CHST2: variants seen among roughly 807,000 people sequenced by gnomAD.
The protein encoded by CHST2 is N-acetylglucosamine 6-O-sulfotransferase 1.
CHST2 carries 23 observed loss-of-function variants against 34.6 expected under a neutral mutation model. That is an observed-to-expected ratio of 0.67 (90% CI 0.48 to 0.94). CHST2 has a LOEUF of 0.94. Ranked by LOEUF, CHST2 falls within the 40% of genes least tolerant of loss-of-function variation. CHST2 has a pLI of 0.00. For synonymous variants in CHST2, 392 were observed against 343.1 expected, an observed-to-expected ratio of 1.14 and a Z score of -1.58; for missense variants, 720 against 759.5, an observed-to-expected ratio of 0.95 and a Z score of 0.61.
chr3:143,122,688 T>TA lies in CHST2; in HGVS notation c.*280dup. 1 of 301,868 alleles carries TA rather than the reference T, an allele frequency of 3.3e-6. No individual in the cohort carries two copies. The highest frequency in any genetic ancestry group is 6.1e-5 in the East Asian group (1 of 16,462). 18.7% of individuals were successfully genotyped at this position (301,868 alleles called of 1,614,324 possible). ...CTCTTGTCCTCTTTCTCCTATTTCT[T>TA]ACCCTGTCCTCCACCTGCCTTCCAT... is the stretch of plus-strand genomic sequence containing the variant. On this transcript the variant is annotated 3_prime_UTR_variant, in exon 2 of 2. Coordinates refer to ENST00000309575, the MANE Select transcript of CHST2 (RefSeq NM_004267.5).
At position 143,120,787 on chromosome 3, in the gene CHST2, G is replaced by A; in HGVS notation, c.-30G>A. 4.1e-6 allele frequency: 5 copies of A among 1,224,990 alleles called. No homozygotes were observed. The South Asian group carries it at 1.5e-4, about 38-fold the overall frequency. 75.9% of individuals were successfully genotyped at this position (1,224,990 alleles called of 1,614,324 possible). A position where few individuals can be genotyped will look rare whatever the true frequency, so the allele number is the denominator to read the frequency against. On this transcript the variant is annotated 5_prime_UTR_variant, in exon 2 of 2. Coordinates refer to ENST00000309575, the MANE Select transcript of CHST2 (RefSeq NM_004267.5). This position sits in a 1 kb window ranked among gnomAD's most constrained non-coding sequence, Gnocchi z 4.1. ...CTTCCCGGGCTGCAGGGCTGCCTCC[G>A]CCGCGCCGCCGGCCCGGATTGTGCC...
rs1478540339 is a variant in CHST2, at chr3:143,123,806, A to T, written c.*1397A>T. On this transcript the variant is annotated 3_prime_UTR_variant, in exon 2 of 2. Coordinates refer to ENST00000309575, the MANE Select transcript of CHST2 (RefSeq NM_004267.5). ...TGTGGTAAAGAGGAAATGAAAATGA[A>T]CTAGTGTGTAGGATTTTGAAATTTG... The T allele has an allele frequency of 1.3e-5, 2 of 152,246 alleles. No homozygotes were observed. The highest frequency in any genetic ancestry group is 4.8e-5 in the African/African-American group (2 of 41,462). The allele number at this position is 152,246 out of a possible 1,614,324, so 9.4% of individuals were successfully genotyped here.
rs1244357202 is a variant in CHST2, at chr3:143,121,608, C to T, written c.792C>T (p.Cys264=). Residue 264 remains cysteine, a synonymous_variant, in exon 2 of 2, where the codon TGC becomes TGT. Coordinates refer to ENST00000309575, the MANE Select transcript of CHST2 (RefSeq NM_004267.5). The stretch of plus-strand genomic sequence containing the variant: ...AGGTGGTGTGCTCGTCACCACTCTG[C>T]CCCGCCTACCGCAAGGAGGTCGTGG... The part of the protein sequence containing the change: ...TNKVVCSSPL[C]PAYRKEVVGL... The T allele has an allele frequency of 2.5e-6, 4 of 1,594,184 alleles. No individual in the cohort carries two copies. The highest frequency in any genetic ancestry group is 2.2e-5 in the East Asian group (1 of 44,496).
Position 143,123,287 on chromosome 3 carries a change from G to T in CHST2, c.*878G>T, listed in dbSNP as rs1936255603. On this transcript the variant is annotated 3_prime_UTR_variant, in exon 2 of 2. Coordinates refer to ENST00000309575, the MANE Select transcript of CHST2 (RefSeq NM_004267.5). ...GAAGCAACTCCTTCAGGACTTGAAGGCATTTGGTTTTTCATTCCTCTTCAG... is the reference window on the plus strand; with the variant it reads ...GAAGCAACTCCTTCAGGACTTGAAGTCATTTGGTTTTTCATTCCTCTTCAG... The T allele has an allele frequency of 6.6e-6, 1 of 152,186 alleles. No homozygotes were observed. The highest frequency in any genetic ancestry group is 1.5e-5 in the Non-Finnish European group (1 of 68,026). The allele number at this position is 152,186 out of a possible 1,614,324, so 9.4% of individuals were successfully genotyped here. A position where few individuals can be genotyped will look rare whatever the true frequency, so the allele number is the denominator to read the frequency against.
chr3:143,120,812 C>T lies in CHST2; in HGVS notation c.-5C>T. On this transcript the variant is annotated 5_prime_UTR_variant, in exon 2 of 2. Coordinates refer to ENST00000309575, the MANE Select transcript of CHST2 (RefSeq NM_004267.5). This position sits in a 1 kb window ranked among gnomAD's most constrained non-coding sequence, Gnocchi z 4.1. ...GCCGCGCCGCCGGCCCGGATTGTGC[C>T]TGTGATGAGCCGCAGCCCGCAGCGA... 1 of 1,290,742 alleles carries T rather than the reference C, an allele frequency of 7.7e-7. No homozygotes were observed. Among genetic ancestry groups the T allele is most frequent in the Non-Finnish European group, 9.7e-7 (1 of 1,027,662 alleles). The allele number at this position is 1,290,742 out of a possible 1,614,324, so 80.0% of individuals were successfully genotyped here.
At position 143,121,824 on chromosome 3, in the gene CHST2, G is replaced by GGTGGCGAGTTCAC; in HGVS notation, c.1010_1022dup (p.Ile342GlyfsTer14). On this transcript the variant is annotated frameshift_variant, in exon 2 of 2. Transcript: ENST00000309575. LOFTEE classifies it high-confidence loss of function. Reference sequence around the variant, plus strand: ...TCCACTTGGTGCGTGATCCCCGCGCGGTGGCGAGTTCACGGATCCGCTCGC... The same window carrying GGTGGCGAGTTCAC: ...TCCACTTGGTGCGTGATCCCCGCGCGGTGGCGAGTTCACGTGGCGAGTTCACGGATCCGCTCGC... The GGTGGCGAGTTCAC allele has an allele frequency of 6.3e-7, 1 of 1,595,068 alleles. No individual in the cohort carries two copies. Among genetic ancestry groups the GGTGGCGAGTTCAC allele is most frequent in the Non-Finnish European group, 8.6e-7 (1 of 1,167,950 alleles).
Position 143,121,148 on chromosome 3 carries a change from C to G in CHST2, c.332C>G (p.Ala111Gly). The G allele has an allele frequency of 6.9e-7, 1 of 1,448,328 alleles. No homozygotes were observed. 89.7% of individuals were successfully genotyped at this position (1,448,328 alleles called of 1,614,324 possible). The part of the protein sequence containing the change: ...GSWGRPGPPP[A>G]GPPRAHARLD... ...TGGGGGCGCCCAGGGCCGCCTCCGGCCGGGCCGCCCCGTGCTCATGCCCGT... is the reference window on the plus strand; with the variant it reads ...TGGGGGCGCCCAGGGCCGCCTCCGGGCGGGCCGCCCCGTGCTCATGCCCGT... Residue 111 changes from alanine (A) to glycine (G), a missense_variant, in exon 2 of 2, where the codon GCC (alanine) becomes GGC (glycine). Physicochemically the swap from Ala to Gly is moderately conservative, Grantham distance 60. Coordinates refer to ENST00000309575, the MANE Select transcript of CHST2 (RefSeq NM_004267.5).
In CHST2 at chr3:143,122,613, A is replaced by C; in HGVS notation, c.*204A>C. On this transcript the variant is annotated 3_prime_UTR_variant, in exon 2 of 2. Coordinates refer to ENST00000309575, the MANE Select transcript of CHST2 (RefSeq NM_004267.5). ...GCCACAAAATACACACCCCTAAGAA[A>C]AGGCAAGACTTGAACGTTCTGACCA... 1 of 494,740 alleles carries C rather than the reference A, an allele frequency of 2.0e-6. No individual in the cohort carries two copies. The highest frequency in any genetic ancestry group is 3.5e-6 in the Non-Finnish European group (1 of 286,144). 30.6% of individuals were successfully genotyped at this position (494,740 alleles called of 1,614,324 possible). A position where few individuals can be genotyped will look rare whatever the true frequency, so the allele number is the denominator to read the frequency against.
chr3:143,120,968 TC>T lies in CHST2; in HGVS notation c.154del (p.Arg52ValfsTer169). The part of the protein sequence containing the change: ...WPASPLGMKV[F>X]RRKALVLCAG... ...GCGTCCCCTCTCGGAATGAAGGTGT[TC>T]CGTAGGAAGGCGCTGGTGTTGTGCG... is the stretch of plus-strand genomic sequence containing the variant. On this transcript the variant is annotated frameshift_variant, in exon 2 of 2. Coordinates refer to ENST00000309575, the MANE Select transcript of CHST2 (RefSeq NM_004267.5). LOFTEE classifies it high-confidence loss of function. This position sits in a 1 kb window ranked among gnomAD's most constrained non-coding sequence, Gnocchi z 4.1. 6.5e-7 allele frequency: 1 copy of T among 1,541,902 alleles called. No individual in the cohort carries two copies. The highest frequency in any genetic ancestry group is 2.5e-5 in the East Asian group (1 of 40,142).
At position 143,121,975 on chromosome 3, in the gene CHST2, G is replaced by T. The variant is rs1559816955; in HGVS notation, c.1159G>T (p.Ala387Ser). The T allele has an allele frequency of 1.9e-6, 3 of 1,592,710 alleles. No individual in the cohort carries two copies. The highest frequency in any genetic ancestry group is 1.8e-5 in the Admixed American group (1 of 56,010). ...CAAGAAGGAGGGCGTGGGCGGCCCC[G>T]CAGACTACCACGCTCTGGGCGCTAT... is the stretch of plus-strand genomic sequence containing the variant. ...GAKKEGVGGP[A>S]DYHALGAMEV... The change falls in exon 2 of 2, where the codon GCA becomes TCA. Residue 387 changes from alanine to serine, a missense_variant. Around this residue, in one of 4 missense-constraint regions of CHST2, gnomAD observed 224 missense variants for 227.8 expected, o/e 0.98. Coordinates refer to ENST00000309575, the MANE Select transcript of CHST2 (RefSeq NM_004267.5).
chr3:143,122,458 G>A lies in CHST2; in HGVS notation c.*49G>A. The A allele has an allele frequency of 1.4e-6, 2 of 1,468,744 alleles. No individual in the cohort carries two copies. Among genetic ancestry groups the A allele is most frequent in the South Asian group, 1.4e-5 (1 of 70,658 alleles). The allele number at this position is 1,468,744 out of a possible 1,614,324, so 91.0% of individuals were successfully genotyped here. ...TCCCTGTGGTGATACCTATAAAGAGGATCGTAGTGTGTTTAAATAAACACA... is the reference window on the plus strand; with the variant it reads ...TCCCTGTGGTGATACCTATAAAGAGAATCGTAGTGTGTTTAAATAAACACA... On this transcript the variant is annotated 3_prime_UTR_variant, in exon 2 of 2. Coordinates refer to ENST00000309575, the MANE Select transcript of CHST2 (RefSeq NM_004267.5).
Position 143,121,352 on chromosome 3 carries a change from T to C in CHST2, c.536T>C (p.Phe179Ser). 1 of 1,613,614 alleles carries C rather than the reference T, an allele frequency of 6.2e-7. No individual in the cohort carries two copies. Among genetic ancestry groups the C allele is most frequent in the Non-Finnish European group, 8.5e-7 (1 of 1,180,012 alleles). Reference protein sequence around the residue: ...VFTTWRSGSSFFGELFNQNPE... With the variant: ...VFTTWRSGSSSFGELFNQNPE... Reference sequence around the variant, plus strand: ...ACCACGTGGCGCTCTGGCTCGTCGTTCTTCGGCGAGCTATTCAACCAGAAT... The same window carrying C: ...ACCACGTGGCGCTCTGGCTCGTCGTCCTTCGGCGAGCTATTCAACCAGAAT... Residue 179 changes from phenylalanine to serine, a missense_variant, in exon 2 of 2, where the codon TTC (phenylalanine) becomes TCC (serine). Around this residue, in one of 4 missense-constraint regions of CHST2, gnomAD observed 43 missense variants for 77.6 expected, o/e 0.55. Transcript: ENST00000309575.
In CHST2 at chr3:143,122,415, G is replaced by T; in HGVS notation, c.*6G>T. The T allele has an allele frequency of 6.4e-7, 1 of 1,565,508 alleles. No individual in the cohort carries two copies. Among genetic ancestry groups the T allele is most frequent in the Non-Finnish European group, 8.6e-7 (1 of 1,157,512 alleles). ...TTCGGAAGCCCCGTCTCTAAAAGGG[G>T]TTCCCAGGAGACCTGATTCCCTGTG... On this transcript the variant is annotated 3_prime_UTR_variant, in exon 2 of 2. Transcript: ENST00000309575.
In CHST2 at chr3:143,120,972, T is replaced by C. The variant is rs898736123; in HGVS notation, c.156T>C (p.Arg52=). Residue 52 remains arginine (R), a synonymous_variant, in exon 2 of 2, where the codon CGT becomes CGC. Coordinates refer to ENST00000309575, the MANE Select transcript of CHST2 (RefSeq NM_004267.5). The surrounding 1 kb of genome is among the most constrained non-coding windows in gnomAD (Gnocchi z 4.1). The stretch of plus-strand genomic sequence containing the variant: ...CCCCTCTCGGAATGAAGGTGTTCCG[T>C]AGGAAGGCGCTGGTGTTGTGCGCGG... ...PASPLGMKVF[R]RKALVLCAGY... The C allele has an allele frequency of 6.5e-7, 1 of 1,541,758 alleles. No individual in the cohort carries two copies.
rs1270348591 is a variant in CHST2, at chr3:143,123,914, C to T, written c.*1505C>T. On this transcript the variant is annotated 3_prime_UTR_variant, in exon 2 of 2. Transcript: ENST00000309575. ...TGAACCCATTTGGTACTGAAACATT[C>T]TGCAGAATGTTATACTATGAGAAGA... 1 of 152,180 alleles carries T rather than the reference C, an allele frequency of 6.6e-6. No homozygotes were observed. Among genetic ancestry groups the T allele is most frequent in the African/African-American group, 2.4e-5 (1 of 41,432 alleles). 9.4% of individuals were successfully genotyped at this position (152,180 alleles called of 1,614,324 possible).
At position 143,123,666 on chromosome 3, in the gene CHST2, G is replaced by T. The variant is rs1936261620; in HGVS notation, c.*1257G>T. Reference sequence around the variant, plus strand: ...ATAATGCTTTACTTGGGATGCCTGTGGAATATGTTGCTTTTCTTTATCATG... The same window carrying T: ...ATAATGCTTTACTTGGGATGCCTGTTGAATATGTTGCTTTTCTTTATCATG... On this transcript the variant is annotated 3_prime_UTR_variant, in exon 2 of 2. Coordinates refer to ENST00000309575, the MANE Select transcript of CHST2 (RefSeq NM_004267.5). The T allele has an allele frequency of 6.6e-6, 1 of 152,168 alleles. No individual in the cohort carries two copies. Among genetic ancestry groups the T allele is most frequent in the Non-Finnish European group, 1.5e-5 (1 of 68,034 alleles). 9.4% of individuals were successfully genotyped at this position (152,168 alleles called of 1,614,324 possible).
In CHST2 at chr3:143,121,574, C is replaced by T. The variant is rs2108351483; in HGVS notation, c.758C>T (p.Ala253Val). 1.2e-6 allele frequency: 2 copies of T among 1,609,358 alleles called. No individual in the cohort carries two copies. Among genetic ancestry groups the T allele is most frequent in the East Asian group, 4.5e-5 (2 of 44,782 alleles). Residue 253 changes from alanine (A) to valine (V), a missense_variant, in exon 2 of 2, where the codon GCC (alanine) becomes GTC (valine). Ala to Val is a moderately conservative substitution (Grantham distance 64). Around this residue, in one of 4 missense-constraint regions of CHST2, gnomAD observed 166 missense variants for 211.4 expected, o/e 0.79. Transcript: ENST00000309575. Reference protein sequence around the residue: ...NLTTLGIFGAATNKVVCSSPL... With the variant: ...NLTTLGIFGAVTNKVVCSSPL... ...ACCACGCTGGGCATCTTCGGCGCAGCCACCAACAAGGTGGTGTGCTCGTCA... is the reference window on the plus strand; with the variant it reads ...ACCACGCTGGGCATCTTCGGCGCAGTCACCAACAAGGTGGTGTGCTCGTCA...
Position 143,123,218 on chromosome 3 carries a change from T to TG in CHST2, c.*811dup, listed in dbSNP as rs1286184504. 2.0e-5 allele frequency: 3 copies of TG among 152,086 alleles called. No individual in the cohort carries two copies. Among genetic ancestry groups the TG allele is most frequent in the Non-Finnish European group, 4.4e-5 (3 of 68,002 alleles). The allele number at this position is 152,086 out of a possible 1,614,324, so 9.4% of individuals were successfully genotyped here. A position where few individuals can be genotyped will look rare whatever the true frequency, so the allele number is the denominator to read the frequency against. On this transcript the variant is annotated 3_prime_UTR_variant, in exon 2 of 2. Transcript: ENST00000309575. ...TAAAGGCAGAAACCAAACAGGGCAG[T>TG]GGAAGAAAAAGCACACTACTCTCTT...
In CHST2 at chr3:143,119,853, CG is replaced by C; in HGVS notation, c.-860del. ...CATCCTCCTGGGCGCCGCTTTCGCG[CG>C]GCGGCGGCGGCTGCGGCGGGGTCTT... On this transcript the variant is annotated 5_prime_UTR_variant, in exon 1 of 2. Coordinates refer to ENST00000309575, the MANE Select transcript of CHST2 (RefSeq NM_004267.5). 7.2e-6 allele frequency: 1 copy of C among 138,756 alleles called. No homozygotes were observed. The highest frequency in any genetic ancestry group is 1.5e-5 in the Non-Finnish European group (1 of 64,680). 8.6% of individuals were successfully genotyped at this position (138,756 alleles called of 1,614,324 possible).
Sources: allele counts gnomAD v4.1 joint callset, GRCh38; gene constraint gnomAD v4.1.1; regional missense constraint gnomAD v4.1.1; non-coding constraint Gnocchi (gnomAD v3.1); transcripts MANE v1.5; gene names NCBI Gene and HGNC (gene_info 2026-07-23, HGNC 2026-07-21).